Variants in GMDS observed in about 807,000 individuals in gnomAD.
The protein encoded by GMDS is GDP-mannose 4,6 dehydratase.
Under a neutral mutation model 49.9 loss-of-function variants are expected in GMDS, and 20 were observed. The observed-to-expected ratio is 0.40, with a 90% CI of 0.28 to 0.58. GMDS has a LOEUF of 0.58. Ranked by LOEUF, GMDS falls within the 20% of genes least tolerant of loss-of-function variation. The pLI is 0.42. For missense variants in GMDS, 362 were observed against 481.4 expected (o/e 0.75, Z 2.32); for synonymous variants, 177 against 178.6 (o/e 0.99, Z 0.07).
chr6:1,737,487 C>A (rs1324632239), intron 8 of GMDS, among the ~76,000 whole-genome samples: 1 of 150,998 alleles, frequency 6.6e-6, no homozygotes, highest in Non-Finnish European at 1.5e-5. Flanking sequence ...GCAATGTGCT[C>A]CACACACACA....
intron 8 of GMDS, among the ~76,000 whole-genome samples, chr6:1,733,132 C>G (rs1324637734): frequency 6.6e-6 from 1 of 152,202 alleles, no homozygotes; most frequent in Non-Finnish European, 1.5e-5. Context: ...ATCTTTGGCT[C>G]CATCAACATT....
At chr6:1,659,647 C>T (rs888983836) in intron 9 of GMDS, among the ~76,000 whole-genome samples, 1 of 152,120 alleles carries the variant, frequency 6.6e-6, no homozygotes, top group Non-Finnish European at 1.5e-5. Flanking sequence ...AGGGTAGCTG[C>T]TTCTCTCACT....
chr6:2,197,084 T>A (rs28515035), intron 1 of GMDS, among the ~76,000 whole-genome samples: 3 of 152,148 alleles, frequency 2.0e-5, no homozygotes, highest in Non-Finnish European at 2.9e-5. Context: ...AATTTAAGTT[T>A]CAATAATGTC....
At chr6:2,038,130 G>C (rs79503250) in intron 4 of GMDS, among the ~76,000 whole-genome samples, 1 of 152,036 alleles carries the variant, frequency 6.6e-6, no homozygotes, top group East Asian at 1.9e-4. Context: ...AGTTGGGCTC[G>C]GTCCCTTTTC....
intron 7 of GMDS, among the ~76,000 whole-genome samples, chr6:1,811,949 T>C (rs1045055055): frequency 1.3e-5 from 2 of 152,204 alleles, no homozygotes; most frequent in African/African-American, 4.8e-5. Flanking sequence ...CAATGTTCAT[T>C]GTACACCTAC....
chr6:2,227,697 C>T (rs1780881180), intron 1 of GMDS, among the ~76,000 whole-genome samples: 1 of 152,170 alleles, frequency 6.6e-6, no homozygotes, highest in Non-Finnish European at 1.5e-5. Context: ...AGAGCTGTTT[C>T]CCTGGGATTC....
At chr6:1,760,465 T>C (rs1298242431) in intron 7 of GMDS, among the ~76,000 whole-genome samples, 1 of 152,136 alleles carries the variant, frequency 6.6e-6, no homozygotes, top group Admixed American at 6.5e-5. Flanking sequence ...TGAAAGGAGC[T>C]GTGGGAACAC....
chr6:1,887,973 G>A (rs13190775), intron 7 of GMDS, among the ~76,000 whole-genome samples: 14,240 of 151,852 alleles, frequency 0.094, 814 homozygotes, highest in African/African-American at 0.15. Flanking sequence ...TTTGTTTTGA[G>A]ACAGAGGCTC....
At chr6:1,752,502 C>G (rs1010920741) in intron 7 of GMDS, among the ~76,000 whole-genome samples, 2 of 152,144 alleles carry the variant, frequency 1.3e-5, no homozygotes, top group South Asian at 2.1e-4. Flanking sequence ...TCTAGCAAGA[C>G]AGGCGAACAT....
At chr6:2,040,466 G>T (rs1392784137) in intron 4 of GMDS, among the ~76,000 whole-genome samples, 1 of 152,148 alleles carries the variant, frequency 6.6e-6, no homozygotes, top group Admixed American at 6.5e-5. Context: ...GATCTACATG[G>T]CTTACTTGCT....
At chr6:1,624,417 C>A in intron 10 of GMDS, 55 bp downstream of exon 10, 3 of 1,502,700 alleles carry the variant, frequency 2.0e-6, no homozygotes, top group Non-Finnish European at 1.8e-6. Flanking sequence ...TGAGAGCTGC[C>A]GCCCTGCAGC....
At chr6:2,074,218 G>T (rs1027383764) in intron 4 of GMDS, among the ~76,000 whole-genome samples, 1 of 152,132 alleles carries the variant, frequency 6.6e-6, no homozygotes, top group East Asian at 1.9e-4. Context: ...TTCTAACTGG[G>T]GTAAGATGAT....
intron 7 of GMDS, among the ~76,000 whole-genome samples, chr6:1,801,566 C>G (rs1257915403): frequency 1.3e-5 from 2 of 152,234 alleles, no homozygotes; most frequent in Non-Finnish European, 2.9e-5. Flanking sequence ...TTCCCCACCC[C>G]ACCTCACTCC....
chr6:1,700,753 G>A (rs1157432038), intron 9 of GMDS, among the ~76,000 whole-genome samples: 1 of 152,072 alleles, frequency 6.6e-6, no homozygotes, highest in Non-Finnish European at 1.5e-5. Flanking sequence ...CACACCTCGC[G>A]CTGTCCCTCC....
chr6:2,226,832 G>A (rs1281079466), intron 1 of GMDS, among the ~76,000 whole-genome samples: 2 of 152,132 alleles, frequency 1.3e-5, no homozygotes, highest in Non-Finnish European at 2.9e-5. Context: ...TTGAGGCTGG[G>A]ATTTTCCTCA....
intron 4 of GMDS, among the ~76,000 whole-genome samples, chr6:2,070,205 G>A (rs1276745370): frequency 6.7e-6 from 1 of 148,590 alleles, no homozygotes; most frequent in East Asian, 2.0e-4. Context: ...ACTCATAGGT[G>A]GCAATTGAAC....
intron 9 of GMDS, among the ~76,000 whole-genome samples, chr6:1,666,303 A>C (rs555733647): frequency 4.5e-4 from 69 of 152,148 alleles, no homozygotes; most frequent in Non-Finnish European, 8.5e-4. Flanking sequence ...TCTTTATTTT[A>C]CAGTGTGGAT....
chr6:1,913,152 C>T (rs954452402), intron 7 of GMDS, among the ~76,000 whole-genome samples: 11 of 151,910 alleles, frequency 7.2e-5, no homozygotes, highest in Non-Finnish European at 1.3e-4. Flanking sequence ...GAGGCCGAGG[C>T]GGGCGGATCA....
rs572828017 is a variant in GMDS at position 1,740,116 on chromosome 6, T to C, written c.890+2352A>G. 3.3e-5 allele frequency among the ~76,000 whole-genome samples: 5 copies of C among 152,302 alleles called. No homozygotes were observed. In the East Asian group the frequency reaches 9.6e-4, roughly 29 times the overall value. On this transcript the variant is annotated intron_variant, in intron 8 of 10. Transcript: ENST00000380815. ...TAAAGAATAAGATGTTATGCTTACATCTTATTTTTCTCATTAAACTTGTTT... is the reference window on the plus strand; with the variant it reads ...TAAAGAATAAGATGTTATGCTTACACCTTATTTTTCTCATTAAACTTGTTT...
Sources: gnomAD v4.1 joint callset for allele counts (sites outside exome capture counted in the v4.1 genomes callset) on GRCh38, gnomAD v4.1.1 for gene constraint, MANE v1.5 for transcripts, NCBI Gene and HGNC (gene_info 2026-07-23, HGNC 2026-07-21) for gene names.